The following ENOX2 variants were observed in gnomAD, a reference collection of about 807,000 sequenced individuals.
ENOX2 encodes APK1 antigen.
Under a neutral mutation model 45.0 loss-of-function variants are expected in ENOX2, and 36 were observed. That is an observed-to-expected ratio of 0.80 (90% CI 0.61 to 1.06). The LOEUF is 1.06. ENOX2 is among the 50% of genes least tolerant of loss of function. The pLI is 0.00. For synonymous variants in ENOX2, 174 were observed against 152.3 expected (o/e 1.14, Z -1.05); for missense variants, 423 against 462.5 (o/e 0.91, Z 0.78).
At chrX:130,663,810 A>C (rs2036762264) in intron 9 of ENOX2, among the ~76,000 whole-genome samples, 1 of 111,038 alleles carries the variant, frequency 9.0e-6, no homozygotes, top group African/African-American at 3.3e-5. Flanking sequence ...GGATATTTTA[A>C]ATTTAGCGTG....
At chrX:130,690,692 G>A (rs1366528781) in intron 4 of ENOX2, among the ~76,000 whole-genome samples, 4 of 111,040 alleles carry the variant, frequency 3.6e-5, no homozygotes, top group African/African-American at 1.3e-4. Context: ...CCCCTGGGTG[G>A]CTCTTTGTCT....
rs776845779 is a variant in ENOX2, at chrX:130,785,432, G to T, written c.-182-1742C>A. Among the ~76,000 whole-genome samples the T allele has an allele frequency of 4.5e-5, 5 of 111,151 alleles. No homozygotes were observed. The South Asian group carries it at 1.9e-3, about 43-fold the overall frequency. ...AACAAGTACTGTTTTTCAGCAATCA[G>T]ATTCCACTTGGATCACCTCCATTAA... is the stretch of plus-strand genomic sequence containing the variant. On this transcript the variant is annotated intron_variant, in intron 2 of 14. Transcript: ENST00000394363.
At chrX:130,724,947 GCTGA>G (rs1461933448) in intron 3 of ENOX2, among the ~76,000 whole-genome samples, 17 of 110,997 alleles carry the variant, frequency 1.5e-4, no homozygotes, top group African/African-American at 4.9e-4. Context: ...GTGCATATTG[GCTGA>G]CTATCAGCCT....
chrX:130,866,190 C>T (rs1424206954), intron 2 of ENOX2, among the ~76,000 whole-genome samples: 1 of 111,432 alleles, frequency 9.0e-6, no homozygotes, highest in African/African-American at 3.3e-5. Flanking sequence ...AAGTCCTATT[C>T]ATTATACCAT....
chrX:130,833,904 C>T (rs1569507181), intron 2 of ENOX2, among the ~76,000 whole-genome samples: 1 of 111,474 alleles, frequency 9.0e-6, no homozygotes, highest in Non-Finnish European at 1.9e-5. Flanking sequence ...CTATCATTCA[C>T]TAATTCAACA....
intron 2 of ENOX2, among the ~76,000 whole-genome samples, chrX:130,846,232 C>T (rs1251068491): frequency 9.0e-6 from 1 of 111,370 alleles, no homozygotes; most frequent in Non-Finnish European, 1.9e-5. Flanking sequence ...GGAATACAGA[C>T]TATAGGTGTG....
chrX:130,761,131 A>C (rs1050819873), intron 3 of ENOX2, among the ~76,000 whole-genome samples: 7 of 110,997 alleles, frequency 6.3e-5, no homozygotes, highest in Non-Finnish European at 1.3e-4. Context: ...TGCACTTTTC[A>C]CTTTGGGCTG....
At position 130,722,149 on chromosome X, in the gene ENOX2, C is replaced by T. The variant is rs1319451326; in HGVS notation, c.-38-18895G>A. ...GTTGGTCAAAGGGGGTGAGCTGGAA[C>T]GAGAGAGCCTGTGGTAAATTAGGAA... On this transcript the variant is annotated intron_variant, in intron 3 of 14. Coordinates refer to ENST00000394363, the MANE Select transcript of ENOX2 (RefSeq NM_006375.4). Among the ~76,000 whole-genome samples, 4 of 111,460 alleles carry T rather than the reference C, an allele frequency of 3.6e-5. No homozygotes were observed. In the Admixed American group the frequency reaches 3.8e-4, roughly 11 times the overall value.
intron 5 of ENOX2, among the ~76,000 whole-genome samples, chrX:130,684,313 A>ATCCCCAGAT (rs2037388531): frequency 8.9e-6 from 1 of 111,993 alleles, no homozygotes; most frequent in Admixed American, 9.4e-5. Flanking sequence ...TTATATGACT[A>ATCCCCAGAT]TCCCCAGATC....
At chrX:130,679,281 T>A (rs2037236013) in intron 6 of ENOX2, among the ~76,000 whole-genome samples, 1 of 110,250 alleles carries the variant, frequency 9.1e-6, no homozygotes, top group Non-Finnish European at 1.9e-5. Context: ...AAGGAAGGAC[T>A]GGGAGATGAC....
intron 2 of ENOX2, among the ~76,000 whole-genome samples, chrX:130,868,612 T>C (rs191077190): frequency 8.9e-5 from 10 of 112,017 alleles, no homozygotes; most frequent in Admixed American, 4.7e-4. Context: ...TGGTTTCTTA[T>C]TGGGCTCAGA....
intron 3 of ENOX2, among the ~76,000 whole-genome samples, chrX:130,736,525 G>A (rs1294887653): frequency 8.9e-6 from 1 of 112,265 alleles, no homozygotes; most frequent in Non-Finnish European, 1.9e-5. Flanking sequence ...AGTATTTTAG[G>A]CTTTACAGCC....
chrX:130,647,699 A>T (rs2036274532), intron 10 of ENOX2, among the ~76,000 whole-genome samples: 1 of 109,240 alleles, frequency 9.2e-6, no homozygotes, highest in African/African-American at 3.3e-5. Context: ...TTTTTTATTT[A>T]TTTTTTTTTG....
chrX:130,858,771 T>C (rs2078358302), intron 2 of ENOX2, among the ~76,000 whole-genome samples: 1 of 111,950 alleles, frequency 8.9e-6, no homozygotes, highest in Admixed American at 9.4e-5. Flanking sequence ...CTCCTGCATC[T>C]GAGATGCAAA....
At chrX:130,773,641 T>A (rs2039791914) in intron 3 of ENOX2, among the ~76,000 whole-genome samples, 1 of 111,984 alleles carries the variant, frequency 8.9e-6, no homozygotes, top group African/African-American at 3.2e-5. Flanking sequence ...CTGCCCCCTC[T>A]CCCAAAATTA....
intron 2 of ENOX2, among the ~76,000 whole-genome samples, chrX:130,814,468 G>A (rs1181982461): frequency 8.9e-6 from 1 of 111,921 alleles, no homozygotes; most frequent in Non-Finnish European, 1.9e-5. Flanking sequence ...TCCCAGCAGT[G>A]GTCGACAGAC....
chrX:130,841,814 A>G (rs2078020758), intron 2 of ENOX2, among the ~76,000 whole-genome samples: 1 of 112,037 alleles, frequency 8.9e-6, no homozygotes, highest in African/African-American at 3.2e-5. Flanking sequence ...ATCAAGAAGA[A>G]GATAATAGTG....
intron 12 of ENOX2, among the ~76,000 whole-genome samples, chrX:130,632,498 A>C (rs1439298480): frequency 9.1e-6 from 1 of 110,075 alleles, no homozygotes; most frequent in Non-Finnish European, 1.9e-5. Flanking sequence ...CTGTTATTAT[A>C]AATGTGAAGG....
chrX:130,646,252 C>T, intron 10 of ENOX2: 1 of 426,140 alleles, frequency 2.3e-6, no homozygotes, highest in Non-Finnish European at 4.3e-6. Flanking sequence ...CCAGAGACTG[C>T]AGCATGAGAA....
Sources: gnomAD v4.1 joint callset for allele counts (sites outside exome capture counted in the v4.1 genomes callset) on GRCh38, gnomAD v4.1.1 for gene constraint, MANE v1.5 for transcripts, NCBI Gene and HGNC (gene_info 2026-07-23, HGNC 2026-07-21) for gene names.